Variants in CSGALNACT1 observed in about 807,000 individuals in gnomAD.
CSGALNACT1 encodes chondroitin sulfate N-acetylgalactosaminyltransferase 1, also known as beta4GalNAcT-1.
A neutral mutation model predicts 51.0 loss-of-function variants in CSGALNACT1; 52 were observed. That is an observed-to-expected ratio of 1.02 (90% CI 0.82 to 1.29). CSGALNACT1 has a LOEUF of 1.29. Among genes scored for constraint, CSGALNACT1 ranks in the 50% most tolerant of loss-of-function variants. CSGALNACT1 has a pLI of 0.00. For missense variants in CSGALNACT1, 935 were observed against 679.2 expected (o/e 1.38, Z -4.19); for synonymous variants, 341 against 254.4 (o/e 1.34, Z -3.24).
chr8:19,735,192 T>C (rs1278278838), intron 1 of CSGALNACT1, among the ~76,000 whole-genome samples: 1 of 152,106 alleles, frequency 6.6e-6, no homozygotes, highest in Non-Finnish European at 1.5e-5. Flanking sequence ...CAGCATTGGC[T>C]CTGGGTGAAA....
At chr8:19,506,834 GT>G (rs1394798996) in intron 3 of CSGALNACT1, among the ~76,000 whole-genome samples, 21 of 152,202 alleles carry the variant, frequency 1.4e-4, no homozygotes, top group Admixed American at 1.2e-3. Context: ...GCAGATGCTG[GT>G]GCCATGCTTC....
At chr8:19,560,641 A>G (rs2040498002) in intron 3 of CSGALNACT1, among the ~76,000 whole-genome samples, 2 of 152,256 alleles carry the variant, frequency 1.3e-5, no homozygotes, top group African/African-American at 4.8e-5. Flanking sequence ...ACGAGCAAAC[A>G]GAGAAAAGCA....
intron 3 of CSGALNACT1, among the ~76,000 whole-genome samples, chr8:19,575,593 C>A (rs550525131): frequency 2.3e-4 from 35 of 152,288 alleles, no homozygotes; most frequent in South Asian, 6.2e-4. Flanking sequence ...CAAAACAAAA[C>A]CTTTGAAACA....
intron 3 of CSGALNACT1, among the ~76,000 whole-genome samples, chr8:19,541,089 T>A (rs1396433222): frequency 9.4e-6 from 1 of 106,514 alleles, no homozygotes; most frequent in South Asian, 2.7e-4. Flanking sequence ...TGGGTGATAA[T>A]TTTTTTTTTT....
intron 1 of CSGALNACT1, among the ~76,000 whole-genome samples, chr8:19,635,031 T>G (rs2055837259): frequency 6.6e-6 from 1 of 152,242 alleles, no homozygotes; most frequent in Non-Finnish European, 1.5e-5. Context: ...TAAGTAAATG[T>G]TGTACGTTTT....
At chr8:19,530,472 T>C (rs956018540) in intron 3 of CSGALNACT1, among the ~76,000 whole-genome samples, 2 of 152,248 alleles carry the variant, frequency 1.3e-5, no homozygotes, top group Non-Finnish European at 2.9e-5. Flanking sequence ...ACTTAGTCTC[T>C]ACATTTATGC....
intron 3 of CSGALNACT1, among the ~76,000 whole-genome samples, chr8:19,587,698 A>T (rs1588726291): frequency 6.6e-6 from 1 of 152,214 alleles, no homozygotes; most frequent in Non-Finnish European, 1.5e-5. Context: ...TGGCAAGGGC[A>T]TAGATACTCC....
intron 4 of CSGALNACT1, among the ~76,000 whole-genome samples, chr8:19,469,996 G>A (rs75156529): frequency 0.11 from 17,155 of 152,166 alleles, 1,125 homozygotes; most frequent in Middle Eastern, 0.22. Flanking sequence ...AGAAATCAGA[G>A]GAATTACCGA....
upstream of CSGALNACT1, chr8:19,683,261 C>T (rs529480878): frequency 2.5e-4 from 38 of 152,410 alleles, no homozygotes; most frequent in African/African-American, 8.7e-4. Flanking sequence ...ACCACGATCA[C>T]TGTGATTAGG....
intron 6 of CSGALNACT1, among the ~76,000 whole-genome samples, chr8:19,423,821 T>A (rs1425799848): frequency 6.6e-6 from 1 of 152,184 alleles, no homozygotes; most frequent in Non-Finnish European, 1.5e-5. Flanking sequence ...ACAATGCATG[T>A]TATATCCATG....
chr8:19,452,054 A>G (rs1392671014), intron 5 of CSGALNACT1, among the ~76,000 whole-genome samples: 1 of 152,240 alleles, frequency 6.6e-6, no homozygotes, highest in East Asian at 1.9e-4. Flanking sequence ...TGAAAATGGC[A>G]ACAATTTTGC....
intron 1 of CSGALNACT1, among the ~76,000 whole-genome samples, chr8:19,662,820 G>A (rs1483469249): frequency 6.6e-6 from 1 of 152,116 alleles, no homozygotes; most frequent in Non-Finnish European, 1.5e-5. Flanking sequence ...CCCATCAGCT[G>A]GGGCACTAGC....
At chr8:19,471,625 C>T (rs2068198924) in intron 4 of CSGALNACT1, among the ~76,000 whole-genome samples, 1 of 152,140 alleles carries the variant, frequency 6.6e-6, no homozygotes, top group Admixed American at 6.5e-5. Context: ...AGGGTAACTC[C>T]TATCTCTTCC....
intron 3 of CSGALNACT1, among the ~76,000 whole-genome samples, chr8:19,580,329 G>C (rs1374247221): frequency 1.3e-5 from 2 of 152,190 alleles, no homozygotes; most frequent in Admixed American, 1.3e-4. Flanking sequence ...TCTGCTAAGA[G>C]GCTAAAACGC....
intron 2 of CSGALNACT1, among the ~76,000 whole-genome samples, chr8:19,594,008 G>T (rs949037749): frequency 6.6e-6 from 1 of 152,190 alleles, no homozygotes; most frequent in African/African-American, 2.4e-5. Flanking sequence ...GGGACATCAT[G>T]AATTGAGGGT....
At chr8:19,642,992 C>T (rs1053082154) in intron 1 of CSGALNACT1, among the ~76,000 whole-genome samples, 1 of 151,966 alleles carries the variant, frequency 6.6e-6, no homozygotes, top group Non-Finnish European at 1.5e-5. Context: ...GAAGAAAATA[C>T]AGTTAAATTG....
chr8:19,679,840 A>G (rs1460946743), intron 1 of CSGALNACT1, among the ~76,000 whole-genome samples: 4 of 152,148 alleles, frequency 2.6e-5, no homozygotes, highest in African/African-American at 9.7e-5. Flanking sequence ...TTATAGAAAT[A>G]ACTTCACACA....
intron 4 of CSGALNACT1, among the ~76,000 whole-genome samples, chr8:19,490,120 C>T (rs2074035380): frequency 6.6e-6 from 1 of 152,210 alleles, no homozygotes. Context: ...GAAGCCAATC[C>T]TGATCAATAG....
chr8:19,662,755 G>C (rs909055725), intron 1 of CSGALNACT1, among the ~76,000 whole-genome samples: 1 of 152,144 alleles, frequency 6.6e-6, no homozygotes, highest in African/African-American at 2.4e-5. Flanking sequence ...CACTGGTAAT[G>C]CTCACCTTTG....
Sources: allele counts gnomAD v4.1 joint callset (sites outside exome capture counted in the v4.1 genomes callset), GRCh38; gene constraint gnomAD v4.1.1; transcripts MANE v1.5; gene names NCBI Gene and HGNC (gene_info 2026-07-23, HGNC 2026-07-21).